The following ARHGAP6 variants were observed in gnomAD, a reference collection of about 807,000 sequenced individuals.
ARHGAP6 encodes Rho GTPase activating protein 6.
A neutral mutation model predicts 55.7 loss-of-function variants in ARHGAP6; 16 were observed. That is an observed-to-expected ratio of 0.29 (90% CI 0.19 to 0.44). The LOEUF is 0.44. Ranked by LOEUF, ARHGAP6 falls within the 20% of genes least tolerant of loss-of-function variation. The pLI is 1.00. For missense variants in ARHGAP6, 698 were observed against 808.9 expected (o/e 0.86, Z 1.66); for synonymous variants, 382 against 360.9 (o/e 1.06, Z -0.66).
chrX:11,627,301 A>T (rs1011113128), intron 1 of ARHGAP6, among the ~76,000 whole-genome samples: 2 of 111,608 alleles, frequency 1.8e-5, no homozygotes, highest in Non-Finnish European at 3.8e-5. Flanking sequence ...GAACTAGATA[A>T]GCATACCATA....
intron 1 of ARHGAP6, among the ~76,000 whole-genome samples, chrX:11,554,912 G>T (rs1406601452): frequency 8.9e-6 from 1 of 112,124 alleles, no homozygotes; most frequent in Non-Finnish European, 1.9e-5. Context: ...AAAAAGAAAA[G>T]CAATACTCCT....
At chrX:11,595,836 G>A (rs1310187213) in intron 1 of ARHGAP6, among the ~76,000 whole-genome samples, 1 of 111,995 alleles carries the variant, frequency 8.9e-6, no homozygotes, top group Non-Finnish European at 1.9e-5. Context: ...CATCATCGCT[G>A]GTCATTAGAG....
chrX:11,457,715 G>C (rs903722362), intron 1 of ARHGAP6, among the ~76,000 whole-genome samples: 1 of 111,164 alleles, frequency 9.0e-6, no homozygotes, highest in Non-Finnish European at 1.9e-5. Flanking sequence ...TGGAAGTGCA[G>C]GGGAGGTAAG....
chrX:11,315,409 G>A (rs976441721), intron 1 of ARHGAP6, among the ~76,000 whole-genome samples: 3 of 112,120 alleles, frequency 2.7e-5, no homozygotes, highest in African/African-American at 9.7e-5. Context: ...CTGATCTGAC[G>A]GGCGGCGGAG....
chrX:11,226,187 C>T (rs1281258624), intron 2 of ARHGAP6, among the ~76,000 whole-genome samples: 1 of 103,363 alleles, frequency 9.7e-6, no homozygotes. Flanking sequence ...GTTCCCCTTC[C>T]TGTGTCCATG....
At chrX:11,213,548 T>C (rs748838820) in intron 2 of ARHGAP6, among the ~76,000 whole-genome samples, 1 of 112,797 alleles carries the variant, frequency 8.9e-6, no homozygotes, top group African/African-American at 3.2e-5. Context: ...GTGGTTTATA[T>C]GTAAAATGGA....
intron 1 of ARHGAP6, among the ~76,000 whole-genome samples, chrX:11,533,263 T>TA (rs767520946): frequency 1.8e-5 from 2 of 111,264 alleles, no homozygotes; most frequent in Non-Finnish European, 3.8e-5. Flanking sequence ...TAAGACCATT[T>TA]ACATTTTCAA....
chrX:11,623,818 T>A (rs1255798758), intron 1 of ARHGAP6, among the ~76,000 whole-genome samples: 2 of 112,106 alleles, frequency 1.8e-5, no homozygotes, highest in Non-Finnish European at 3.8e-5. Context: ...CAAAGTGATT[T>A]ACGGATTCAA....
chrX:11,589,579 G>C (rs943663905), intron 1 of ARHGAP6, among the ~76,000 whole-genome samples: 1 of 109,162 alleles, frequency 9.2e-6, no homozygotes, highest in African/African-American at 3.3e-5. Flanking sequence ...AGCTCTTCTT[G>C]TTTTCTATAA....
chrX:11,264,494 A>G (rs937745221), intron 1 of ARHGAP6, among the ~76,000 whole-genome samples: 9 of 111,853 alleles, frequency 8.0e-5, no homozygotes, highest in African/African-American at 2.9e-4. Flanking sequence ...CGTCAGAGCA[A>G]AAGGTCAATT....
At chrX:11,594,678 T>C (rs2051880068) in intron 1 of ARHGAP6, among the ~76,000 whole-genome samples, 1 of 111,671 alleles carries the variant, frequency 9.0e-6, no homozygotes, top group African/African-American at 3.3e-5. Context: ...GCCTGATGAT[T>C]TGAGGTGGAA....
intron 1 of ARHGAP6, among the ~76,000 whole-genome samples, chrX:11,306,976 C>T (rs908527283): frequency 2.1e-4 from 23 of 111,522 alleles, no homozygotes; most frequent in Non-Finnish European, 4.1e-4. Flanking sequence ...GACAACATTG[C>T]CATGGCAACC....
At chrX:11,282,409 TA>T (rs1415331250) in intron 1 of ARHGAP6, among the ~76,000 whole-genome samples, 2 of 112,214 alleles carry the variant, frequency 1.8e-5, no homozygotes, top group Non-Finnish European at 3.8e-5. Flanking sequence ...GCCATCCTGC[TA>T]AAACTCTGGG....
intron 1 of ARHGAP6, among the ~76,000 whole-genome samples, chrX:11,274,245 C>A (rs1464373772): frequency 1.8e-5 from 2 of 111,886 alleles, no homozygotes; most frequent in African/African-American, 6.5e-5. Context: ...TTACTTCTAA[C>A]ACATTGACTG....
At chrX:11,218,867 G>C (rs1478537083) in intron 2 of ARHGAP6, among the ~76,000 whole-genome samples, 2 of 109,814 alleles carry the variant, frequency 1.8e-5, no homozygotes, top group African/African-American at 6.6e-5. Context: ...TTGTTTAATA[G>C]TCTGGCTAGC....
At chrX:11,414,900 G>A (rs747500316) in intron 1 of ARHGAP6, among the ~76,000 whole-genome samples, 1 of 111,473 alleles carries the variant, frequency 9.0e-6, no homozygotes, top group Non-Finnish European at 1.9e-5. Flanking sequence ...GGAGATGTTG[G>A]TCAAGGATAC....
chrX:11,399,244 C>T (rs1271149705), intron 1 of ARHGAP6, among the ~76,000 whole-genome samples: 1 of 108,807 alleles, frequency 9.2e-6, no homozygotes. Flanking sequence ...GTTATTACTG[C>T]ACCCATCACC....
At chrX:11,437,736 C>T (rs1036405027) in intron 1 of ARHGAP6, among the ~76,000 whole-genome samples, 1 of 112,099 alleles carries the variant, frequency 8.9e-6, no homozygotes, top group Non-Finnish European at 1.9e-5. Context: ...GGACGCCCCG[C>T]CCCCAGGGTG....
chrX:11,454,182 G>A (rs1221834522), intron 1 of ARHGAP6, among the ~76,000 whole-genome samples: 4 of 97,855 alleles, frequency 4.1e-5, no homozygotes, highest in Non-Finnish European at 8.0e-5. Flanking sequence ...GGATGGTCTC[G>A]ATCTCCTGAC....
Sources: allele counts gnomAD v4.1 joint callset (sites outside exome capture counted in the v4.1 genomes callset), GRCh38; gene constraint gnomAD v4.1.1; transcripts MANE v1.5; gene names NCBI Gene and HGNC (gene_info 2026-07-23, HGNC 2026-07-21).